RALYL: variants seen among roughly 807,000 people sequenced by gnomAD.
RALYL encodes RALY RNA binding protein like, also known as RNA-binding Raly-like protein.
In RALYL, 29 loss-of-function variants were observed where a neutral mutation model predicts 35.1. The ratio of observed to expected loss-of-function variants is 0.83; its 90% confidence interval spans 0.61 to 1.13. RALYL has a LOEUF of 1.13. RALYL is among the 50% of genes most tolerant of loss of function. The pLI, the probability that RALYL is intolerant of heterozygous loss-of-function variation, is 0.00. For synonymous variants in RALYL, 120 were observed against 127.6 expected (o/e 0.94, Z 0.40); for missense variants, 359 against 360.4 (o/e 1.00, Z 0.03).
chr8:84,472,423 G>A (rs186458529), intron 1 of RALYL, among the ~76,000 whole-genome samples: 24 of 152,200 alleles, frequency 1.6e-4, no homozygotes, highest in African/African-American at 2.4e-4. Context: ...TCTAAATAGC[G>A]CCTGAAGAAA....
At chr8:84,606,196 G>T (rs1817110848) in intron 2 of RALYL, among the ~76,000 whole-genome samples, 1 of 152,068 alleles carries the variant, frequency 6.6e-6, no homozygotes, top group South Asian at 2.1e-4. Context: ...TCTCCCCTCA[G>T]TTTCTTTAAA....
At chr8:84,184,619 G>T (rs1005625809) in intron 1 of RALYL, among the ~76,000 whole-genome samples, 195 bp downstream of exon 1, 1 of 152,086 alleles carries the variant, frequency 6.6e-6, no homozygotes, top group African/African-American at 2.4e-5. Flanking sequence ...CTTCAGGATC[G>T]TTTTCTAGAT....
chr8:84,488,615 C>G (rs544591611), intron 1 of RALYL, among the ~76,000 whole-genome samples: 1 of 152,028 alleles, frequency 6.6e-6, no homozygotes, highest in Admixed American at 6.6e-5. Context: ...AAAGGAACAA[C>G]TGTGTAGAGC....
intron 1 of RALYL, among the ~76,000 whole-genome samples, chr8:84,482,002 A>G (rs1436127823): frequency 6.6e-6 from 1 of 152,184 alleles, no homozygotes; most frequent in Non-Finnish European, 1.5e-5. Flanking sequence ...CAAACTAAAA[A>G]TTAAGAAAGG....
intron 1 of RALYL, among the ~76,000 whole-genome samples, chr8:84,266,767 G>A (rs944992398): frequency 2.0e-5 from 3 of 151,596 alleles, no homozygotes; most frequent in Non-Finnish European, 4.4e-5. Flanking sequence ...GAGACCATCC[G>A]GGCTAACACG....
In RALYL at chr8:84,766,733, A is replaced by AAC. The variant is rs1280232574; in HGVS notation, c.257-7845_257-7844insCA. 1.0e-3 allele frequency among the ~76,000 whole-genome samples: 147 copies of AAC among 146,348 alleles called. 1 individual carries two copies. The highest frequency in any genetic ancestry group is 3.5e-3 in the African/African-American group (136 of 39,098). ...GTGAGACTGTCTCAAAAAAAAAAAA[A>AAC]AAAAAAAAAAAAAAACTCCCAAAAC... On this transcript the variant is annotated intron_variant, in intron 2 of 8. Transcript: ENST00000521268.
intron 1 of RALYL, among the ~76,000 whole-genome samples, chr8:84,288,170 G>T (rs1397473862): frequency 1.3e-5 from 2 of 149,766 alleles, no homozygotes; most frequent in African/African-American, 2.4e-5. Flanking sequence ...GTTTTTTTTT[G>T]TTTTGTTTTT....
intron 1 of RALYL, among the ~76,000 whole-genome samples, chr8:84,510,905 A>G (rs976566363): frequency 6.6e-6 from 1 of 152,180 alleles, no homozygotes; most frequent in African/African-American, 2.4e-5. Context: ...GCTAATTAAT[A>G]GATCAATCAC....
chr8:84,352,682 A>G (rs929780431), intron 1 of RALYL, among the ~76,000 whole-genome samples: 1 of 150,412 alleles, frequency 6.6e-6, no homozygotes, highest in Non-Finnish European at 1.5e-5. Context: ...AAACTATATC[A>G]TAAGTAATCT....
chr8:84,549,477 A>G (rs2060575899), intron 2 of RALYL, among the ~76,000 whole-genome samples: 1 of 152,188 alleles, frequency 6.6e-6, no homozygotes, highest in Admixed American at 6.5e-5. Context: ...GTGGGAGAGG[A>G]CAAGGGGCTA....
At chr8:84,602,808 A>C (rs909450210) in intron 2 of RALYL, among the ~76,000 whole-genome samples, 8 of 152,140 alleles carry the variant, frequency 5.3e-5, no homozygotes, top group African/African-American at 1.9e-4. Flanking sequence ...TAGGAGAGAC[A>C]GATAATAAAG....
intron 1 of RALYL, among the ~76,000 whole-genome samples, chr8:84,338,025 T>C (rs1848137162): frequency 6.6e-6 from 1 of 152,056 alleles, no homozygotes; most frequent in African/African-American, 2.4e-5. Context: ...GTACATTGGC[T>C]GGGAGAGTAA....
At chr8:84,833,929 A>G (rs1463629063) in intron 4 of RALYL, among the ~76,000 whole-genome samples, 2 of 151,500 alleles carry the variant, frequency 1.3e-5, no homozygotes, top group Non-Finnish European at 1.5e-5. Context: ...GTAAATGATA[A>G]CTGTTAACAT....
intron 2 of RALYL, among the ~76,000 whole-genome samples, chr8:84,634,147 T>C (rs1320233221): frequency 6.6e-6 from 1 of 151,900 alleles, no homozygotes; most frequent in Admixed American, 6.6e-5. Flanking sequence ...AAATTTCGTA[T>C]TCATGATCTC....
chr8:84,252,001 A>G (rs539046080), intron 1 of RALYL, among the ~76,000 whole-genome samples: 1 of 152,164 alleles, frequency 6.6e-6, no homozygotes, highest in African/African-American at 2.4e-5. Flanking sequence ...AGGATATTAT[A>G]TCAACTTAAT....
chr8:84,709,432 GTATATATACA>G (rs1203533035), intron 2 of RALYL, among the ~76,000 whole-genome samples: 2 of 151,896 alleles, frequency 1.3e-5, no homozygotes, highest in Non-Finnish European at 2.9e-5. Flanking sequence ...ACATACACGT[GTATATATACA>G]TAAACATATA....
chr8:84,431,940 A>G (rs1043736206), intron 1 of RALYL, among the ~76,000 whole-genome samples: 1 of 152,168 alleles, frequency 6.6e-6, no homozygotes, highest in Non-Finnish European at 1.5e-5. Context: ...GAAAACAAGC[A>G]TTGGTAAGAA....
At chr8:84,813,780 A>C (rs1188605876) in intron 4 of RALYL, among the ~76,000 whole-genome samples, 1 of 152,070 alleles carries the variant, frequency 6.6e-6, no homozygotes, top group Non-Finnish European at 1.5e-5. Context: ...TTAATACTTT[A>C]AGTTCTAGGG....
chr8:84,433,056 G>A lies in RALYL; in HGVS notation c.-23-96243G>A, dbSNP rs1462188592. Among the ~76,000 whole-genome samples, 3 of 152,088 alleles carry A rather than the reference G, an allele frequency of 2.0e-5. 1 individual carries two copies. Among genetic ancestry groups the A allele is most frequent in the Non-Finnish European group, 4.4e-5 (3 of 68,014 alleles). On this transcript the variant is annotated intron_variant, in intron 1 of 8. Transcript: ENST00000521268. ...TATTAGGTACAATAATTGCTCAAAAGCGATTGTTCCTATTTTATATAGTCT... is the reference window on the plus strand; with the variant it reads ...TATTAGGTACAATAATTGCTCAAAAACGATTGTTCCTATTTTATATAGTCT...
Sources: allele counts gnomAD v4.1 joint callset (sites outside exome capture counted in the v4.1 genomes callset), GRCh38; gene constraint gnomAD v4.1.1; transcripts MANE v1.5; gene names NCBI Gene and HGNC (gene_info 2026-07-23, HGNC 2026-07-21).